The following EBAG9 variants were observed in gnomAD, a reference collection of about 807,000 sequenced individuals.
EBAG9 encodes receptor-binding cancer antigen expressed on SiSo cells.
Under a neutral mutation model 30.9 loss-of-function variants are expected in EBAG9, and 16 were observed. The observed-to-expected ratio is 0.52, with a 90% confidence interval of 0.35 to 0.79. EBAG9 has a LOEUF of 0.79. Among genes scored for constraint, EBAG9 ranks in the 30% least tolerant of loss-of-function variants. The pLI is 0.01. For synonymous variants in EBAG9, 93 were observed against 82.8 expected (o/e 1.12, Z -0.67); for missense variants, 197 against 242.1 (o/e 0.81, Z 1.24).
At chr8:109,551,742 C>G (rs911587380) in intron 2 of EBAG9, among the ~76,000 whole-genome samples, 2 of 151,882 alleles carry the variant, frequency 1.3e-5, no homozygotes, top group Non-Finnish European at 1.5e-5. Flanking sequence ...AGTACTGCAC[C>G]AAAATTAATG....
At position 109,554,777 on chromosome 8, in the gene EBAG9, G is replaced by T; in HGVS notation, c.211G>T (p.Val71Leu). 1 of 1,613,762 alleles carries T rather than the reference G, an allele frequency of 6.2e-7. No individual in the cohort carries two copies. The highest frequency in any genetic ancestry group is 8.5e-7 in the Non-Finnish European group (1 of 1,179,802). The change falls in exon 4 of 7, where the codon GTA becomes TTA. Residue 71 changes from valine to leucine, a missense_variant. Transcript: ENST00000337573. Reference protein sequence around the residue: ...TSWDEDAPTSVKIEGGNGNVA... With the variant: ...TSWDEDAPTSLKIEGGNGNVA... ...CTGGGATGAAGATGCACCCACCAGT[G>T]TAAAGATCGAAGGAGGGAATGGGAA...
chr8:109,540,083 C>T (rs929284573), upstream of EBAG9: 5 of 152,702 alleles, frequency 3.3e-5, no homozygotes, highest in African/African-American at 1.2e-4. Flanking sequence ...TTCCACCAGA[C>T]CTCCCTCGAC....
At chr8:109,544,596 TCTC>T (rs1241431241) in intron 1 of EBAG9, among the ~76,000 whole-genome samples, 6 of 152,200 alleles carry the variant, frequency 3.9e-5, no homozygotes, top group African/African-American at 1.4e-4. Context: ...ACATAGTAAT[TCTC>T]CTCCTTTGAC....
At chr8:109,554,001 T>A (rs1821547049) in intron 3 of EBAG9, 58 bp downstream of exon 3, 1 of 1,264,222 alleles carries the variant, frequency 7.9e-7, no homozygotes, top group African/African-American at 1.6e-5. Context: ...TGAATAAGTG[T>A]CCTAGAACAA....
At chr8:109,557,243 A>ATCAAGG (rs1390893933) in intron 5 of EBAG9, among the ~76,000 whole-genome samples, 1 of 152,204 alleles carries the variant, frequency 6.6e-6, no homozygotes, top group African/African-American at 2.4e-5. Flanking sequence ...AGATACTAAG[A>ATCAAGG]TCAAGGTCTC....
intron 2 of EBAG9, among the ~76,000 whole-genome samples, chr8:109,551,547 G>A (rs911211525): frequency 2.6e-5 from 4 of 152,124 alleles, no homozygotes; most frequent in African/African-American, 9.7e-5. Flanking sequence ...TTTAAATTTT[G>A]CAGTGAAACA....
At chr8:109,543,981 G>A (rs1411756820) in intron 1 of EBAG9, among the ~76,000 whole-genome samples, 1 of 144,614 alleles carries the variant, frequency 6.9e-6, no homozygotes, top group East Asian at 2.1e-4. Flanking sequence ...AGTGAGCCAA[G>A]ATTGTACTGC....
chr8:109,553,805 G>A (rs1821540950), intron 2 of EBAG9, 60 bp from the exon 3 acceptor site: 2 of 1,339,568 alleles, frequency 1.5e-6, no homozygotes, highest in African/African-American at 1.5e-5. Context: ...ATACATAATA[G>A]TGCTTTTACT....
chr8:109,545,192 G>C (rs1821357671), intron 1 of EBAG9, among the ~76,000 whole-genome samples: 1 of 151,234 alleles, frequency 6.6e-6, no homozygotes, highest in Admixed American at 6.6e-5. Flanking sequence ...TGTGGTGGCA[G>C]GCACCTGTGG....
At position 109,549,988 on chromosome 8, in the gene EBAG9, G is replaced by A. The variant is rs544011382; in HGVS notation, c.-15-822G>A. Among the ~76,000 whole-genome samples the A allele has an allele frequency of 4.6e-5, 7 of 151,916 alleles. No individual in the cohort carries two copies. The South Asian group carries it at 6.2e-4, about 14-fold the overall frequency. On this transcript the variant is annotated intron_variant, in intron 1 of 6. Transcript: ENST00000337573. ...TCTCATTGGCAACATGGAGTGGGGC[G>A]GTCTTTCTTTCTTATTCAATCTAAC...
At chr8:109,563,592 TTA>T in intron 6 of EBAG9, 1 of 1,484,294 alleles carries the variant, frequency 6.7e-7, no homozygotes, top group Non-Finnish European at 9.0e-7. Context: ...TTTTTTTTTT[TTA>T]AACTTAAGTT....
At chr8:109,557,677 A>T in intron 5 of EBAG9, 1 of 456,110 alleles carries the variant, frequency 2.2e-6, no homozygotes, top group Non-Finnish European at 4.4e-6. Flanking sequence ...TGGATTGGGA[A>T]TCCAGGTGAC....
chr8:109,548,579 A>G (rs1248917417), intron 1 of EBAG9, among the ~76,000 whole-genome samples: 2 of 152,178 alleles, frequency 1.3e-5, no homozygotes, highest in African/African-American at 2.4e-5. Context: ...ATTTTGGGAA[A>G]TGTTGATATC....
At position 109,565,290 on chromosome 8, in the gene EBAG9, A is replaced by G. The variant is rs375277807; in HGVS notation, c.*731A>G. On this transcript the variant is annotated 3_prime_UTR_variant, in exon 7 of 7. Transcript: ENST00000337573. ...ACATTATAACTTGTGAGTTTCAAGA[A>G]CTAGTATTAGTAGTTTTTTCCTTTC... The G allele has an allele frequency of 5.0e-4, 76 of 152,572 alleles. No individual in the cohort carries two copies. The East Asian group carries it at 8.9e-3, about 18-fold the overall frequency. 9.5% of individuals were successfully genotyped at this position (152,572 alleles called of 1,614,324 possible).
intron 2 of EBAG9, 105 bp downstream of exon 2, chr8:109,551,012 A>G (rs1396967867): frequency 3.0e-6 from 2 of 673,536 alleles, no homozygotes; most frequent in Non-Finnish European, 5.2e-6. Flanking sequence ...TTTAAGCTGA[A>G]TATCTTGATT....
intron 5 of EBAG9, among the ~76,000 whole-genome samples, chr8:109,559,243 G>T (rs1300040248): frequency 6.6e-6 from 1 of 152,116 alleles, no homozygotes; most frequent in Non-Finnish European, 1.5e-5. Flanking sequence ...GGTCACTTGA[G>T]CTCAGGAATT....
intron 1 of EBAG9, among the ~76,000 whole-genome samples, chr8:109,542,496 C>T (rs1275124499): frequency 6.6e-6 from 1 of 152,178 alleles, no homozygotes; most frequent in Non-Finnish European, 1.5e-5. Context: ...TTTTTCTTCA[C>T]AACATACTGA....
chr8:109,545,908 T>C (rs1821375423), intron 1 of EBAG9, among the ~76,000 whole-genome samples: 2 of 152,238 alleles, frequency 1.3e-5, no homozygotes, highest in Admixed American at 6.5e-5. Context: ...TTTTCTTATC[T>C]GAAGTAGAGA....
intron 1 of EBAG9, among the ~76,000 whole-genome samples, chr8:109,548,366 C>G (rs1275508882): frequency 6.6e-6 from 1 of 152,066 alleles, no homozygotes; most frequent in Non-Finnish European, 1.5e-5. Flanking sequence ...GATTCCAATA[C>G]TACACAGTTT....
Sources: allele counts gnomAD v4.1 joint callset (sites outside exome capture counted in the v4.1 genomes callset), GRCh38; gene constraint gnomAD v4.1.1; transcripts MANE v1.5; gene names NCBI Gene and HGNC (gene_info 2026-07-23, HGNC 2026-07-21).